Variants in MLLT1 observed in about 807,000 individuals in gnomAD.
The protein encoded by MLLT1 is protein ENL.
Under a neutral mutation model 55.1 loss-of-function variants are expected in MLLT1, and 11 were observed. The ratio of observed to expected loss-of-function variants is 0.20; its 90% CI spans 0.13 to 0.33. The LOEUF (loss-of-function observed/expected upper bound fraction) is 0.33. MLLT1 is among the 10% of genes least tolerant of loss of function. MLLT1 has a pLI of 1.00. For synonymous variants in MLLT1, 323 were observed against 320.1 expected, an observed-to-expected ratio of 1.01 and a Z score of -0.10; for missense variants, 536 against 760.6, an observed-to-expected ratio of 0.70 and a Z score of 3.47.
chr19:6,232,608 T>G (rs1221003757), intron 3 of MLLT1, among the ~76,000 whole-genome samples: 1 of 152,192 alleles, frequency 6.6e-6, no homozygotes, highest in African/African-American at 2.4e-5. Context: ...ATTTCAAAAT[T>G]TTGGCCCAGG....
chr19:6,242,658 C>T (rs915404620), intron 3 of MLLT1, among the ~76,000 whole-genome samples: 14 of 152,196 alleles, frequency 9.2e-5, no homozygotes, highest in African/African-American at 3.1e-4. Context: ...ATTGAAGTCA[C>T]GGGAGACTTA....
At chr19:6,213,915 C>G (rs367809220) in intron 9 of MLLT1, 24 bp downstream of exon 9, 60 of 1,471,916 alleles carry the variant, frequency 4.1e-5, no homozygotes, top group African/African-American at 4.2e-5. Flanking sequence ...TGGTGCACCC[C>G]CTGCCTGCAG....
chr19:6,213,520 A>G (rs1199238360), intron 10 of MLLT1, 112 bp from the exon 11 acceptor site: 3 of 1,099,076 alleles, frequency 2.7e-6, no homozygotes, highest in Non-Finnish European at 4.1e-6. Flanking sequence ...AGAGGTAGCC[A>G]CATCCAAACC....
rs1012217740 is a variant in MLLT1 at position 6,262,924 on chromosome 19, C to T, written c.194-614G>A. On this transcript the variant is annotated intron_variant, in intron 2 of 11. Transcript: ENST00000252674. The surrounding 1 kb of genome is among the most constrained non-coding windows in gnomAD (Gnocchi z 4.4). ...AAAGGCCGGACACGGTGGCTCACACCTGTAATCCCAGCACTTTGGGAGGCC... is the reference window on the plus strand; with the variant it reads ...AAAGGCCGGACACGGTGGCTCACACTTGTAATCCCAGCACTTTGGGAGGCC... 2.6e-5 allele frequency: 4 copies of T among 152,354 alleles called. No homozygotes were observed. Among genetic ancestry groups the T allele is most frequent in the Non-Finnish European group, 1.5e-5 (1 of 68,192 alleles). 9.4% of individuals were successfully genotyped at this position (152,354 alleles called of 1,614,324 possible). A position where few individuals can be genotyped will look rare whatever the true frequency, so the allele number is the denominator to read the frequency against.
In MLLT1 at chr19:6,262,461, G is replaced by A. The variant is rs190184798; in HGVS notation, c.194-151C>T. ...TGGCTTTTCAGGAGGTTAAGCCCCC[G>A]ACAGGATTGACTTCCACGGCAAAGT... is the stretch of plus-strand genomic sequence containing the variant. On this transcript the variant is annotated intron_variant, in intron 2 of 11. Transcript: ENST00000252674. This position sits in a 1 kb window ranked among gnomAD's most constrained non-coding sequence, Gnocchi z 4.4. 417 of 611,356 alleles carry A rather than the reference G, an allele frequency of 6.8e-4. 3 individuals are homozygous for A. In the East Asian group the frequency reaches 0.01, roughly 15 times the overall value. The allele number at this position is 611,356 out of a possible 1,614,324, so 37.9% of individuals were successfully genotyped here.
In MLLT1 at chr19:6,231,966, G is replaced by C. The variant is rs566253661; in HGVS notation, c.277-1253C>G. On this transcript the variant is annotated intron_variant, in intron 3 of 11. Coordinates refer to ENST00000252674, the MANE Select transcript of MLLT1 (RefSeq NM_005934.4). The surrounding 1 kb of genome is among the most constrained non-coding windows in gnomAD (Gnocchi z 5.1). ...AAACAACGTGCATGGGCCGGGCGCG[G>C]TGGCTCACGCCTGTAACCCAGAACT... Among the ~76,000 whole-genome samples, 123 of 152,238 alleles carry C rather than the reference G, an allele frequency of 8.1e-4. No individual in the cohort carries two copies. Among genetic ancestry groups the C allele is most frequent in the African/African-American group, 2.7e-3 (114 of 41,560 alleles).
intron 4 of MLLT1, among the ~76,000 whole-genome samples, chr19:6,228,260 G>A (rs1471856276): frequency 2.6e-5 from 4 of 152,214 alleles, no homozygotes; most frequent in Non-Finnish European, 4.4e-5. Context: ...GGCTTGCCAG[G>A]AGGCTGAGCC....
chr19:6,245,726 A>G (rs1210744908), intron 3 of MLLT1, among the ~76,000 whole-genome samples: 1 of 134,656 alleles, frequency 7.4e-6, no homozygotes, highest in African/African-American at 3.1e-5. Flanking sequence ...ATAAACAAAT[A>G]AAATTTTTTT....
intron 2 of MLLT1, among the ~76,000 whole-genome samples, chr19:6,267,687 T>C (rs1568297352): frequency 6.6e-6 from 1 of 152,216 alleles, no homozygotes; most frequent in Non-Finnish European, 1.5e-5. Context: ...ACCAGCCTGA[T>C]GGTGACAGCG....
At chr19:6,277,372 T>C (rs2091433190) in intron 1 of MLLT1, among the ~76,000 whole-genome samples, 1 of 152,244 alleles carries the variant, frequency 6.6e-6, no homozygotes, top group Non-Finnish European at 1.5e-5. Flanking sequence ...CTTTCTGCGA[T>C]GATGGAAATG....
At chr19:6,272,384 G>A (rs1374092369) in intron 1 of MLLT1, among the ~76,000 whole-genome samples, 1 of 152,138 alleles carries the variant, frequency 6.6e-6, no homozygotes. Flanking sequence ...GACACACCAG[G>A]AACAGCCACC....
chr19:6,264,959 G>A (rs2091334750), intron 2 of MLLT1, among the ~76,000 whole-genome samples: 1 of 138,054 alleles, frequency 7.2e-6, no homozygotes, highest in Admixed American at 7.6e-5. Flanking sequence ...ACAGATGGAA[G>A]GAAACTGTCA....
Position 6,211,922 on chromosome 19 carries a change from A to G in MLLT1, c.*1120T>C, listed in dbSNP as rs575371667. 1,163 of 1,065,032 alleles carry G rather than the reference A, an allele frequency of 1.1e-3. 8 individuals carry two copies. The African/African-American group carries it at 0.015, about 14-fold the overall frequency. 66.0% of individuals were successfully genotyped at this position (1,065,032 alleles called of 1,614,324 possible). A position where few individuals can be genotyped will look rare whatever the true frequency, so the allele number is the denominator to read the frequency against. On this transcript the variant is annotated 3_prime_UTR_variant, in exon 12 of 12. Coordinates refer to ENST00000252674, the MANE Select transcript of MLLT1 (RefSeq NM_005934.4). The surrounding 1 kb of genome is among the most constrained non-coding windows in gnomAD (Gnocchi z 4.6). ...CCGGGGCGGGCCAGGCCGCGACCAG[A>G]GAGAAAGGCAGCCTGGGAGGGCCAG...
At chr19:6,238,196 C>A (rs548149683) in intron 3 of MLLT1, among the ~76,000 whole-genome samples, 1 of 152,318 alleles carries the variant, frequency 6.6e-6, no homozygotes, top group East Asian at 1.9e-4. Context: ...CACAGAGCTT[C>A]CCTCAGTTTT....
chr19:6,265,073 A>AAAAG (rs2091338726), intron 2 of MLLT1, among the ~76,000 whole-genome samples: 1 of 144,266 alleles, frequency 6.9e-6, no homozygotes, highest in African/African-American at 2.6e-5. Context: ...AACAAAAAAA[A>AAAAG]ACATGATGTC....
At position 6,262,677 on chromosome 19, in the gene MLLT1, G is replaced by C. The variant is rs2091315704; in HGVS notation, c.194-367C>G. Reference sequence around the variant, plus strand: ...GGTGGATGTCGGTAAGCGTGACCTGGGTGAGGTGTGAAACCCAGCAGGGAG... The same window carrying C: ...GGTGGATGTCGGTAAGCGTGACCTGCGTGAGGTGTGAAACCCAGCAGGGAG... On this transcript the variant is annotated intron_variant, in intron 2 of 11. Transcript: ENST00000252674. This position sits in a 1 kb window ranked among gnomAD's most constrained non-coding sequence, Gnocchi z 4.4. Among the ~76,000 whole-genome samples, 1 of 152,050 alleles carries C rather than the reference G, an allele frequency of 6.6e-6. No homozygotes were observed. Among genetic ancestry groups the C allele is most frequent in the Non-Finnish European group, 1.5e-5 (1 of 68,014 alleles).
intron 3 of MLLT1, among the ~76,000 whole-genome samples, chr19:6,250,742 C>T (rs999826290): frequency 1.8e-4 from 27 of 152,126 alleles, no homozygotes; most frequent in African/African-American, 6.5e-4. Flanking sequence ...GGAGGGCCAA[C>T]TGTATACCCA....
intron 2 of MLLT1, among the ~76,000 whole-genome samples, chr19:6,269,803 A>C (rs979329673): frequency 6.6e-6 from 1 of 152,164 alleles, no homozygotes; most frequent in South Asian, 2.1e-4. Flanking sequence ...AAAGTCCCTC[A>C]TTCCTTTATC....
chr19:6,238,428 C>A (rs759046296), intron 3 of MLLT1, among the ~76,000 whole-genome samples: 6 of 152,222 alleles, frequency 3.9e-5, no homozygotes, highest in Non-Finnish European at 8.8e-5. Flanking sequence ...GGACCTGATT[C>A]AAAACAACCC....
Sources: allele counts gnomAD v4.1 joint callset (sites outside exome capture counted in the v4.1 genomes callset), GRCh38; gene constraint gnomAD v4.1.1; non-coding constraint Gnocchi (gnomAD v3.1); transcripts MANE v1.5; gene names NCBI Gene and HGNC (gene_info 2026-07-23, HGNC 2026-07-21).